The following SPOCK2 variants were observed in gnomAD, a reference collection of about 807,000 sequenced individuals.
The protein encoded by SPOCK2 is SPARC (osteonectin), cwcv and kazal like domains proteoglycan 2.
SPOCK2 carries 39 observed loss-of-function variants against 60.1 expected under a neutral mutation model. The observed-to-expected ratio is 0.65, with a 90% CI of 0.50 to 0.85. The LOEUF is 0.85. Ranked by LOEUF, SPOCK2 falls within the 40% of genes least tolerant of loss-of-function variation. The pLI is 0.00. For synonymous variants in SPOCK2, 217 were observed against 231.5 expected (o/e 0.94, Z 0.57); for missense variants, 523 against 567.4 (o/e 0.92, Z 0.80).
intron 1 of SPOCK2, among the ~76,000 whole-genome samples, chr10:72,084,678 G>T (rs951378438): frequency 1.3e-5 from 2 of 152,206 alleles, no homozygotes; most frequent in Non-Finnish European, 2.9e-5. Flanking sequence ...TAAGTGAGAT[G>T]ACTTGGATTC....
chr10:72,086,679 T>C, intron 1 of SPOCK2: 1 of 1,297,446 alleles, frequency 7.7e-7, no homozygotes, highest in Non-Finnish European at 9.9e-7. Context: ...AGGTCGCATG[T>C]GGGGCGAAGG....
At chr10:72,070,246 TC>T in intron 5 of SPOCK2, 65 bp downstream of exon 5, 1 of 1,532,988 alleles carries the variant, frequency 6.5e-7, no homozygotes, top group East Asian at 2.3e-5. Context: ...AGCTGGGTCA[TC>T]CTTTCTGCTT....
chr10:72,073,194 C>G (rs370650241), intron 1 of SPOCK2, among the ~76,000 whole-genome samples: 3 of 152,308 alleles, frequency 2.0e-5, no homozygotes, highest in African/African-American at 7.2e-5. Context: ...CCCAGTCCAG[C>G]CCCAGCCCCA....
Position 72,062,753 on chromosome 10 carries a change from A to T in SPOCK2, c.*7T>A. The T allele has an allele frequency of 6.3e-7, 1 of 1,595,684 alleles. No homozygotes were observed. ...AGTCCCCCCCGGCAGCCGGCTCCTG[A>T]GGGCGTCTACCAGATGTAGCCCCCG... On this transcript the variant is annotated 3_prime_UTR_variant, in exon 11 of 11. Coordinates refer to ENST00000373109, the MANE Select transcript of SPOCK2 (RefSeq NM_001244950.2). The surrounding 1 kb of genome is among the most constrained non-coding windows in gnomAD (Gnocchi z 4.3).
At chr10:72,066,019 T>G (rs1385397892) in intron 8 of SPOCK2, among the ~76,000 whole-genome samples, 2 of 152,082 alleles carry the variant, frequency 1.3e-5, no homozygotes, top group Admixed American at 1.3e-4. Context: ...GGGAGAAGCA[T>G]CCAGTGAGGA....
At chr10:72,072,083 G>T in intron 4 of SPOCK2, 61 bp downstream of exon 4, 1 of 1,344,722 alleles carries the variant, frequency 7.4e-7, no homozygotes, top group Non-Finnish European at 9.9e-7. Flanking sequence ...GAGAGGGTCA[G>T]TTGAGCCCTT....
intron 4 of SPOCK2, 89 bp from the exon 5 acceptor site, chr10:72,070,515 AGGAAG>A (rs1433675826): frequency 2.4e-6 from 3 of 1,269,084 alleles, no homozygotes; most frequent in Non-Finnish European, 3.4e-6. Flanking sequence ...CTGTTCCAAC[AGGAAG>A]GCAGCAGCAA....
intron 1 of SPOCK2, chr10:72,086,511 G>C (rs977652783): frequency 3.6e-6 from 4 of 1,112,394 alleles, no homozygotes; most frequent in African/African-American, 3.4e-5. Context: ...GCCTAGGCCA[G>C]TGACACATGG....
chr10:72,069,365 C>A (rs1589119882), intron 5 of SPOCK2: 1 of 152,470 alleles, frequency 6.6e-6, no homozygotes, highest in Admixed American at 6.5e-5. Context: ...TCAGCCCTGG[C>A]ACCCACCCCA....
intron 6 of SPOCK2, 23 bp from the exon 7 acceptor site, chr10:72,067,755 G>T: frequency 1.2e-6 from 2 of 1,609,880 alleles, no homozygotes. Context: ...GAGAAGGCAT[G>T]GAGGGCGAAT....
At chr10:72,080,694 C>T (rs1212971389) in intron 1 of SPOCK2, among the ~76,000 whole-genome samples, 1 of 152,112 alleles carries the variant, frequency 6.6e-6, no homozygotes, top group Non-Finnish European at 1.5e-5. Flanking sequence ...CTGTGATAGG[C>T]CTGGATAAAC....
Position 72,062,536 on chromosome 10 carries a change from G to C in SPOCK2, c.*224C>G. ...ATCAAGGACACATTTGTCAGCGCATGCCACACACACACACACATACACACA... is the reference window on the plus strand; with the variant it reads ...ATCAAGGACACATTTGTCAGCGCATCCCACACACACACACACATACACACA... On this transcript the variant is annotated 3_prime_UTR_variant, in exon 11 of 11. Transcript: ENST00000373109. The surrounding 1 kb of genome is among the most constrained non-coding windows in gnomAD (Gnocchi z 4.3). The C allele has an allele frequency of 1.3e-6, 1 of 767,626 alleles. No individual in the cohort carries two copies. The highest frequency in any genetic ancestry group is 2.5e-5 in the South Asian group (1 of 39,718). The allele number at this position is 767,626 out of a possible 1,614,324, so 47.6% of individuals were successfully genotyped here. A position where few individuals can be genotyped will look rare whatever the true frequency, so the allele number is the denominator to read the frequency against.
chr10:72,068,942 C>T (rs911547872), intron 5 of SPOCK2: 2 of 152,430 alleles, frequency 1.3e-5, no homozygotes, highest in African/African-American at 4.8e-5. Context: ...ACAACATTAT[C>T]TCACTTGGGA....
chr10:72,070,261 G>A (rs1290497363), intron 5 of SPOCK2, 51 bp downstream of exon 5: 1 of 1,577,144 alleles, frequency 6.3e-7, no homozygotes, highest in Non-Finnish European at 8.7e-7. Flanking sequence ...TCTGCTTCCT[G>A]TGGCCTCAGG....
Position 72,062,472 on chromosome 10 carries a change from G to T in SPOCK2, c.*288C>A. ...AGAAAACAGCTACAAGGAGGCCGAA[G>T]GGGCCTTTGGGTGACTCACTCTGCC... is the stretch of plus-strand genomic sequence containing the variant. On this transcript the variant is annotated 3_prime_UTR_variant, in exon 11 of 11. Transcript: ENST00000373109. This position sits in a 1 kb window ranked among gnomAD's most constrained non-coding sequence, Gnocchi z 4.3. 1 of 462,392 alleles carries T rather than the reference G, an allele frequency of 2.2e-6. No individual in the cohort carries two copies. The highest frequency in any genetic ancestry group is 3.7e-6 in the Non-Finnish European group (1 of 268,382). 28.6% of individuals were successfully genotyped at this position (462,392 alleles called of 1,614,324 possible).
intron 8 of SPOCK2, 152 bp from the exon 9 acceptor site, chr10:72,064,392 G>A (rs1022723764): frequency 8.6e-6 from 7 of 814,926 alleles, no homozygotes; most frequent in South Asian, 8.0e-5. Flanking sequence ...GGGGTGGGAA[G>A]TACAAGGGTT....
At position 72,061,073 on chromosome 10, in the gene SPOCK2, A is replaced by AC. The variant is rs1840485266; in HGVS notation, c.*1686dup. 6.5e-6 allele frequency: 1 copy of AC among 152,928 alleles called. No homozygotes were observed. Among genetic ancestry groups the AC allele is most frequent in the South Asian group, 2.1e-4 (1 of 4,832 alleles). The allele number at this position is 152,928 out of a possible 1,614,324, so 9.5% of individuals were successfully genotyped here. On this transcript the variant is annotated 3_prime_UTR_variant, in exon 11 of 11. Transcript: ENST00000373109. ...AGGCACACGCACACACGCTGCACTC[A>AC]CCACGCACTGAAGGGCATCACAGCC... is the stretch of plus-strand genomic sequence containing the variant.
rs892773085 is a variant in SPOCK2, at chr10:72,088,190, A to G, written c.139T>C (p.Ser47Pro). 2 of 1,612,906 alleles carry G rather than the reference A, an allele frequency of 1.2e-6. No individual in the cohort carries two copies. The highest frequency in any genetic ancestry group is 1.7e-6 in the Non-Finnish European group (2 of 1,179,682). The stretch of plus-strand genomic sequence containing the variant: ...ATCTTGCCGCTGTACTGCGAGATGG[A>G]CGACAGCCATTGCTCGTCCTCCATG... ...NFMEDEQWLS[S>P]ISQYSGKIKH... Residue 47 changes from serine to proline, a missense_variant, in exon 1 of 11, where the codon TCC becomes CCC. Ser to Pro is a moderately conservative substitution (Grantham distance 74). Coordinates refer to ENST00000373109, the MANE Select transcript of SPOCK2 (RefSeq NM_001244950.2).
At chr10:72,069,506 G>A (rs1394003885) in intron 5 of SPOCK2, among the ~76,000 whole-genome samples, 2 of 137,186 alleles carry the variant, frequency 1.5e-5, no homozygotes, top group African/African-American at 5.5e-5. Context: ...GTCTCACTCT[G>A]TCACCCAGGC....
Sources: allele counts gnomAD v4.1 joint callset (sites outside exome capture counted in the v4.1 genomes callset), GRCh38; gene constraint gnomAD v4.1.1; non-coding constraint Gnocchi (gnomAD v3.1); transcripts MANE v1.5; gene names NCBI Gene and HGNC (gene_info 2026-07-23, HGNC 2026-07-21).